GLMN: variants seen among roughly 807,000 people sequenced by gnomAD.
GLMN encodes the protein glomulin.
GLMN carries 75 observed loss-of-function variants against 87.8 expected under a neutral mutation model. The observed-to-expected ratio is 0.85, with a 90% confidence interval of 0.71 to 1.04. The LOEUF (loss-of-function observed/expected upper bound fraction) is 1.04. GLMN is among the 50% of genes least tolerant of loss of function. The probability of loss-of-function intolerance (pLI) is 0.00; values close to 1 mark genes in which losing one functional copy is unlikely to be tolerated. For missense variants in GLMN, 588 were observed against 658.8 expected (o/e 0.89, Z 1.18); for synonymous variants, 206 against 221.6 (o/e 0.93, Z 0.63).
the GLMN span, among the ~76,000 whole-genome samples, chr1:92,313,023 A>G: frequency 6.6e-6 from 1 of 151,538 alleles, no homozygotes; most frequent in South Asian, 2.1e-4. Context: ...GCGCCACCAC[A>G]CCCGGCTTAT....
At chr1:92,370,624 T>TA in the GLMN span, among the ~76,000 whole-genome samples, 2 of 151,652 alleles carry the variant, frequency 1.3e-5, no homozygotes, top group Non-Finnish European at 2.9e-5. Context: ...ATCATGTAGG[T>TA]AGTTTATTAG....
chr1:92,301,406 T>C, upstream of GLMN: 1 of 748,096 alleles, frequency 1.3e-6, no homozygotes, highest in Admixed American at 2.9e-5. Flanking sequence ...TAGGTTAGTA[T>C]TGTATTTTAA....
chr1:92,353,548 C>T, the GLMN span, among the ~76,000 whole-genome samples: 1 of 152,094 alleles, frequency 6.6e-6, no homozygotes, highest in East Asian at 1.9e-4. Context: ...TCATAGTGTT[C>T]AATTTGAAAC....
intron 9 of GLMN, among the ~76,000 whole-genome samples, chr1:92,268,500 A>G (rs1336739215): frequency 6.6e-6 from 1 of 152,334 alleles, no homozygotes; most frequent in Non-Finnish European, 1.5e-5. Context: ...AAAAGACTCA[A>G]TGACTCTGCA....
At chr1:92,362,306 A>C in the GLMN span, among the ~76,000 whole-genome samples, 1 of 152,168 alleles carries the variant, frequency 6.6e-6, no homozygotes, top group Non-Finnish European at 1.5e-5. Flanking sequence ...TCTCATTCTG[A>C]TAATTCCAGT....
chr1:92,290,356 G>T, intron 4 of GLMN, 50 bp from the exon 5 acceptor site: 1 of 1,055,888 alleles, frequency 9.5e-7, no homozygotes, highest in Non-Finnish European at 1.5e-6. Flanking sequence ...TGTATTTAAA[G>T]CCACATTATT....
At chr1:92,325,440 T>C in the GLMN span, among the ~76,000 whole-genome samples, 13 of 152,154 alleles carry the variant, frequency 8.5e-5, no homozygotes, top group African/African-American at 2.9e-4. Context: ...AGGAGAAACA[T>C]TGATCTCTGT....
chr1:92,361,077 C>CATATATATATATATT, the GLMN span, among the ~76,000 whole-genome samples: 1 of 142,594 alleles, frequency 7.0e-6, no homozygotes, highest in Non-Finnish European at 1.5e-5. Flanking sequence ...AAGCAAAAAG[C>CATATATATATATATT]ATATATATAT....
chr1:92,247,256 T>G, intron 17 of GLMN, 112 bp from the exon 18 acceptor site: 2 of 742,900 alleles, frequency 2.7e-6, no homozygotes, highest in South Asian at 2.8e-5. Context: ...GTATAAATTA[T>G]TAAGTCCATT....
intron 2 of GLMN, 111 bp downstream of exon 2, chr1:92,297,850 G>A (rs1650313828): frequency 1.4e-6 from 1 of 696,734 alleles, no homozygotes; most frequent in East Asian, 2.7e-5. Context: ...GTCAAAAAAA[G>A]CAAGGATTAA....
At chr1:92,298,316 A>AG (rs1480139240) in intron 1 of GLMN, among the ~76,000 whole-genome samples, 2 of 149,390 alleles carry the variant, frequency 1.3e-5, no homozygotes, top group Non-Finnish European at 2.9e-5. Flanking sequence ...GCTACTTTGA[A>AG]GGAAAAAAAA....
intron 7 of GLMN, among the ~76,000 whole-genome samples, chr1:92,273,637 A>C (rs1467807177): frequency 6.7e-6 from 1 of 149,970 alleles, no homozygotes; most frequent in Non-Finnish European, 1.5e-5. Context: ...TTTATTTTTT[A>C]TAGAGATGGG....
At chr1:92,300,317 G>T, upstream of GLMN, 5 of 1,164,128 alleles carry the variant, frequency 4.3e-6, no homozygotes, top group South Asian at 2.7e-5. Context: ...AAACAATAAT[G>T]GTTACCTTTT....
the GLMN span, among the ~76,000 whole-genome samples, chr1:92,309,409 TCCAG>T: frequency 6.7e-6 from 1 of 148,270 alleles, no homozygotes; most frequent in South Asian, 2.2e-4. Flanking sequence ...GCCACTGCAC[TCCAG>T]CCTGGTGACA....
chr1:92,252,779 AAATT>A (rs1037291319), intron 16 of GLMN, among the ~76,000 whole-genome samples: 2 of 152,170 alleles, frequency 1.3e-5, no homozygotes, highest in Non-Finnish European at 2.9e-5. Context: ...TAGAAAAAGT[AAATT>A]AAGAGTTTTA....
At position 92,246,550 on chromosome 1, in the gene GLMN, C is replaced by T. The variant is rs1326497486; in HGVS notation, c.1765G>A (p.Glu589Lys). The change falls in exon 19 of 19, where the codon GAA becomes AAA. Residue 589 changes from glutamate to lysine, a missense_variant. Glu to Lys is a moderately conservative substitution (Grantham distance 56, BLOSUM62 1). Coordinates refer to ENST00000370360, the MANE Select transcript of GLMN (RefSeq NM_053274.3). ...AACTTTCACTTTATCCCAATATTTT[C>T]TTCAGAGGTAGACTTTGTTTTTATT... ...IEIKTKSTSE[E>K]NIGIK 7.0e-7 allele frequency: 1 copy of T among 1,431,430 alleles called. No homozygotes were observed. The highest frequency in any genetic ancestry group is 1.7e-5 in the Admixed American group (1 of 59,668). 88.7% of individuals were successfully genotyped at this position (1,431,430 alleles called of 1,614,324 possible). A position where few individuals can be genotyped will look rare whatever the true frequency, so the allele number is the denominator to read the frequency against.
chr1:92,336,337 A>G, the GLMN span: 1 of 1,593,206 alleles, frequency 6.3e-7, no homozygotes, highest in African/African-American at 1.3e-5. Context: ...TGTAATTTTT[A>G]AATTTTCAGG....
chr1:92,285,886 T>G (rs1030342836), intron 7 of GLMN, among the ~76,000 whole-genome samples: 3 of 152,238 alleles, frequency 2.0e-5, no homozygotes, highest in African/African-American at 7.2e-5. Context: ...ATACTATTGA[T>G]GCATAAAGCC....
chr1:92,364,024 G>A, the GLMN span, among the ~76,000 whole-genome samples: 2 of 152,052 alleles, frequency 1.3e-5, no homozygotes, highest in African/African-American at 2.4e-5. Context: ...GAGGGGGTCA[G>A]TGTCCCTAAT....
Sources: gnomAD v4.1 joint callset for allele counts (sites outside exome capture counted in the v4.1 genomes callset) on GRCh38, gnomAD v4.1.1 for gene constraint, MANE v1.5 for transcripts, NCBI Gene and HGNC (gene_info 2026-07-23, HGNC 2026-07-21) for gene names.